The following GRID2 variants were observed in gnomAD, a reference collection of about 807,000 sequenced individuals.
The protein encoded by GRID2 is glutamate receptor ionotropic, delta-2.
In GRID2, 33 loss-of-function variants were observed where a neutral mutation model predicts 114.8. The ratio of observed to expected loss-of-function variants is 0.29; its 90% CI spans 0.22 to 0.38. GRID2 has a LOEUF of 0.38. GRID2 is among the 10% of genes least tolerant of loss of function. The probability of loss-of-function intolerance (pLI) is 1.00; values close to 1 mark genes in which losing one functional copy is unlikely to be tolerated. For missense variants in GRID2, 1,184 were observed against 1,257.7 expected (o/e 0.94, Z 0.89); for synonymous variants, 505 against 449.9 (o/e 1.12, Z -1.55).
At chr4:93,306,678 A>T (rs904260467) in intron 8 of GRID2, among the ~76,000 whole-genome samples, 2 of 152,176 alleles carry the variant, frequency 1.3e-5, no homozygotes, top group African/African-American at 4.8e-5. Flanking sequence ...TACTGTTATT[A>T]AAAATAATAT....
chr4:93,646,264 G>A (rs889719901), intron 14 of GRID2, among the ~76,000 whole-genome samples: 1 of 151,586 alleles, frequency 6.6e-6, no homozygotes, highest in Non-Finnish European at 1.5e-5. Context: ...TCAGCATGGG[G>A]GTGGGACACA....
intron 13 of GRID2, among the ~76,000 whole-genome samples, chr4:93,545,788 C>CT (rs2149534189): frequency 6.6e-6 from 1 of 151,776 alleles, no homozygotes; most frequent in African/African-American, 2.4e-5. Flanking sequence ...GCTATTATAC[C>CT]ACAAAAAAAT....
chr4:92,380,653 C>T (rs112254480), intron 1 of GRID2, among the ~76,000 whole-genome samples: 211 of 151,910 alleles, frequency 1.4e-3, no homozygotes, highest in Middle Eastern at 0.014. Context: ...TCGTTGAAAT[C>T]CTTTTGTTTT....
chr4:92,769,485 CTCTG>C (rs1302440541), intron 2 of GRID2, among the ~76,000 whole-genome samples: 3 of 152,186 alleles, frequency 2.0e-5, no homozygotes, highest in Non-Finnish European at 2.9e-5. Flanking sequence ...CCAGTGGGGA[CTCTG>C]TATGGGGGCT....
At chr4:92,348,752 C>T (rs959419951) in intron 1 of GRID2, among the ~76,000 whole-genome samples, 1 of 152,086 alleles carries the variant, frequency 6.6e-6, no homozygotes, top group East Asian at 1.9e-4. Flanking sequence ...TGCACCCAAA[C>T]ACATAACGTC....
chr4:93,000,941 G>T (rs1208333895), intron 2 of GRID2, among the ~76,000 whole-genome samples: 1 of 151,170 alleles, frequency 6.6e-6, no homozygotes, highest in African/African-American at 2.4e-5. Context: ...TATACCCTGT[G>T]AATCTAAAAT....
chr4:93,803,818 G>A (rs1734981591), intron 1 of GRID2, among the ~76,000 whole-genome samples: 1 of 151,972 alleles, frequency 6.6e-6, no homozygotes, highest in Non-Finnish European at 1.5e-5. Context: ...ACCTTTTTCT[G>A]ATTAGCATTT....
At chr4:93,050,277 T>A (rs1376757583) in intron 2 of GRID2, among the ~76,000 whole-genome samples, 1 of 152,122 alleles carries the variant, frequency 6.6e-6, no homozygotes, top group African/African-American at 2.4e-5. Flanking sequence ...TCCTGGTATC[T>A]CCTCTTATTC....
chr4:93,768,954 A>C (rs975507250), intron 14 of GRID2, among the ~76,000 whole-genome samples: 2 of 149,290 alleles, frequency 1.3e-5, no homozygotes, highest in Non-Finnish European at 3.0e-5. Flanking sequence ...AAGAATAGGA[A>C]GAAAAGGAGA....
At chr4:92,614,965 A>C (rs1478744916) in intron 2 of GRID2, among the ~76,000 whole-genome samples, 10 of 150,380 alleles carry the variant, frequency 6.6e-5, no homozygotes, top group Middle Eastern at 3.2e-3. Flanking sequence ...TCTTTTAGTA[A>C]CCTCATTTAC....
chr4:93,535,925 C>T (rs369311115), intron 13 of GRID2, among the ~76,000 whole-genome samples: 24 of 151,914 alleles, frequency 1.6e-4, no homozygotes, highest in East Asian at 9.6e-4. Flanking sequence ...TTTACTTTTG[C>T]GTTTGTTGCC....
In GRID2 at chr4:92,473,964, T is replaced by TTGTGTGTGTG. The variant is rs59328379; in HGVS notation, c.89-116135_89-116126dup. ...CCATCACCTCAAATTGTTATCTTGG[T>TTGTGTGTGTG]TGTGTGTGTGTGTGTGTGTGTGTGT... On this transcript the variant is annotated intron_variant, in intron 1 of 15. Transcript: ENST00000282020. Among the ~76,000 whole-genome samples, 337 of 144,438 alleles carry TTGTGTGTGTG rather than the reference T, an allele frequency of 2.3e-3. 2 individuals carry two copies. Among genetic ancestry groups the TTGTGTGTGTG allele is most frequent in the Non-Finnish European group, 2.8e-3 (183 of 65,622 alleles). The allele number at this position is 144,438 out of a possible 152,430, so 94.8% of individuals were successfully genotyped here. A position where few individuals can be genotyped will look rare whatever the true frequency, so the allele number is the denominator to read the frequency against.
intron 2 of GRID2, among the ~76,000 whole-genome samples, chr4:92,821,015 G>A (rs1741248678): frequency 1.3e-5 from 2 of 151,966 alleles, no homozygotes; most frequent in African/African-American, 2.4e-5. Context: ...ATACATGGAA[G>A]TATGCATAAA....
chr4:92,673,976 A>G (rs541616802), intron 2 of GRID2, among the ~76,000 whole-genome samples: 12 of 151,356 alleles, frequency 7.9e-5, no homozygotes, highest in Admixed American at 6.6e-4. Flanking sequence ...AAGTATAATA[A>G]AAATAAAAAA....
chr4:92,756,187 A>T (rs1329390781), intron 2 of GRID2, among the ~76,000 whole-genome samples: 1 of 152,138 alleles, frequency 6.6e-6, no homozygotes, highest in Non-Finnish European at 1.5e-5. Flanking sequence ...GAGTGAGCAC[A>T]TGGGATATTT....
intron 13 of GRID2, among the ~76,000 whole-genome samples, chr4:93,589,407 A>G (rs1737915196): frequency 6.6e-6 from 1 of 151,784 alleles, no homozygotes; most frequent in African/African-American, 2.4e-5. Context: ...GCTGCATAGT[A>G]TTCCATGGTG....
chr4:93,564,118 G>A (rs1261529675), intron 13 of GRID2, among the ~76,000 whole-genome samples: 2 of 151,786 alleles, frequency 1.3e-5, no homozygotes, highest in Non-Finnish European at 2.9e-5. Flanking sequence ...AATAAAAAAG[G>A]TAGAAGATAT....
chr4:92,489,892 A>C (rs1723073865), intron 1 of GRID2, among the ~76,000 whole-genome samples: 1 of 151,836 alleles, frequency 6.6e-6, no homozygotes, highest in Non-Finnish European at 1.5e-5. Context: ...GTAAAAGATG[A>C]CTGTTCTTCT....
At chr4:92,324,603 A>AC (rs1374535593) in intron 1 of GRID2, among the ~76,000 whole-genome samples, 1 of 147,462 alleles carries the variant, frequency 6.8e-6, no homozygotes, top group African/African-American at 2.6e-5. Flanking sequence ...ACAGACACAC[A>AC]CACACACACA....
Sources: allele counts gnomAD v4.1 joint callset (sites outside exome capture counted in the v4.1 genomes callset), GRCh38; gene constraint gnomAD v4.1.1; transcripts MANE v1.5; gene names NCBI Gene and HGNC (gene_info 2026-07-23, HGNC 2026-07-21).